ZC3H12B: variants seen among roughly 807,000 people sequenced by gnomAD.
ZC3H12B encodes the protein probable ribonuclease ZC3H12B.
A neutral mutation model predicts 43.9 loss-of-function variants in ZC3H12B; 7 were observed. The observed-to-expected ratio is 0.16, with a 90% CI of 0.09 to 0.30. ZC3H12B has a LOEUF of 0.30. Among genes scored for constraint, ZC3H12B ranks in the 10% least tolerant of loss-of-function variants. ZC3H12B has a pLI of 1.00. For missense variants in ZC3H12B, 475 were observed against 670.2 expected (o/e 0.71, Z 3.22); for synonymous variants, 222 against 241.7 (o/e 0.92, Z 0.76).
At chrX:65,248,436 A>G in the ZC3H12B span, among the ~76,000 whole-genome samples, 1 of 111,842 alleles carries the variant, frequency 8.9e-6, no homozygotes, top group Non-Finnish European at 1.9e-5. Context: ...ATAAGAACTG[A>G]TGTATTACTC....
the ZC3H12B span, among the ~76,000 whole-genome samples, chrX:65,310,453 A>G: frequency 1.8e-5 from 2 of 111,901 alleles, no homozygotes; most frequent in African/African-American, 6.5e-5. Flanking sequence ...AGGGACGTGA[A>G]GGACCTCTTC....
the ZC3H12B span, among the ~76,000 whole-genome samples, chrX:65,152,979 G>A: frequency 5.4e-5 from 6 of 111,774 alleles, no homozygotes; most frequent in African/African-American, 1.6e-4. Context: ...ACAAGCAATG[G>A]GGAAAGGATT....
the ZC3H12B span, among the ~76,000 whole-genome samples, chrX:65,051,257 A>T: frequency 9.0e-6 from 1 of 111,088 alleles, no homozygotes; most frequent in Non-Finnish European, 1.9e-5. Context: ...TGCTAGCTAA[A>T]GATTTGTCAA....
intron 3 of ZC3H12B, among the ~76,000 whole-genome samples, chrX:65,451,827 T>G (rs1402653577): frequency 1.8e-5 from 2 of 111,958 alleles, no homozygotes; most frequent in African/African-American, 6.5e-5. Context: ...ATCTTGCCAG[T>G]TTCTTTTTCA....
At chrX:65,378,201 TC>T (rs903916633) in intron 2 of ZC3H12B, among the ~76,000 whole-genome samples, 1 of 111,547 alleles carries the variant, frequency 9.0e-6, no homozygotes, top group African/African-American at 3.3e-5. Context: ...CTTGTAAACT[TC>T]CCCATCTTAA....
chrX:65,123,230 A>T, the ZC3H12B span, among the ~76,000 whole-genome samples: 1 of 111,799 alleles, frequency 8.9e-6, no homozygotes, highest in Non-Finnish European at 1.9e-5. Context: ...GATTACATTT[A>T]TTGATTTGCG....
At chrX:65,212,628 A>C in the ZC3H12B span, among the ~76,000 whole-genome samples, 1 of 86,300 alleles carries the variant, frequency 1.2e-5, no homozygotes, top group South Asian at 5.0e-4. Context: ...TATAATATAT[A>C]TAAATATATA....
the ZC3H12B span, among the ~76,000 whole-genome samples, chrX:65,315,589 A>T: frequency 9.0e-6 from 1 of 111,423 alleles, no homozygotes; most frequent in Non-Finnish European, 1.9e-5. Context: ...AAATGAAGCC[A>T]TTTGAATGAA....
intron 3 of ZC3H12B, among the ~76,000 whole-genome samples, chrX:65,452,736 G>A (rs2067534312): frequency 9.1e-6 from 1 of 109,992 alleles, no homozygotes; most frequent in African/African-American, 3.3e-5. Flanking sequence ...AGCTGCTCGG[G>A]AGGCTGAGGC....
chrX:65,444,169 T>C (rs1174093265), intron 3 of ZC3H12B, among the ~76,000 whole-genome samples: 2 of 112,474 alleles, frequency 1.8e-5, no homozygotes, highest in Non-Finnish European at 3.7e-5. Context: ...GTGTATTTGT[T>C]GTCGGTTTAT....
the ZC3H12B span, among the ~76,000 whole-genome samples, chrX:65,254,296 A>G: frequency 1.8e-5 from 2 of 112,500 alleles, no homozygotes; most frequent in Non-Finnish European, 3.8e-5. Flanking sequence ...ATTGACTGTC[A>G]CCAGCCATTG....
chrX:65,408,443 G>A (rs2066863348), intron 3 of ZC3H12B: 3 of 1,208,409 alleles, frequency 2.5e-6, no homozygotes, highest in Non-Finnish European at 3.4e-6. Flanking sequence ...AGAGTTGAAT[G>A]CCATCATCGG....
In ZC3H12B at chrX:65,388,299, T is replaced by G. The variant is rs1243326140; in HGVS notation, n.296-10294T>G. On this transcript the variant is annotated intron_variant and non_coding_transcript_variant, in intron 2 of 5. Transcript: ENST00000617377. ...ACACGAATCAGACATAGATTTGGTCTTTTCACATAGTCCCATATTTCTTGG... is the reference window on the plus strand; with the variant it reads ...ACACGAATCAGACATAGATTTGGTCGTTTCACATAGTCCCATATTTCTTGG... Among the ~76,000 whole-genome samples, 3 of 112,253 alleles carry G rather than the reference T, an allele frequency of 2.7e-5. No individual in the cohort carries two copies. The South Asian group carries it at 1.1e-3, about 42-fold the overall frequency.
exon 5 of ZC3H12B, chrX:65,506,100 G>C (rs2068422490): frequency 8.9e-6 from 1 of 112,305 alleles, no homozygotes; most frequent in Non-Finnish European, 1.9e-5. Context: ...GGGGTTGTGA[G>C]GGAGCTTTTA....
At chrX:65,356,753 G>A in the ZC3H12B span, 2 of 153,211 alleles carry the variant, frequency 1.3e-5, no homozygotes, top group Non-Finnish European at 2.5e-5. Flanking sequence ...CTGGTTCAAG[G>A]CCTCTTTATG....
chrX:65,297,270 T>A, the ZC3H12B span, among the ~76,000 whole-genome samples: 1 of 111,016 alleles, frequency 9.0e-6, no homozygotes, highest in African/African-American at 3.3e-5. Context: ...TCCAAAAGGC[T>A]TGTAGAACTC....
At chrX:65,383,723 C>G (rs780694400) in intron 2 of ZC3H12B, among the ~76,000 whole-genome samples, 1 of 111,131 alleles carries the variant, frequency 9.0e-6, no homozygotes, top group Non-Finnish European at 1.9e-5. Context: ...GGGCTAATAT[C>G]CAGAATCTAC....
the ZC3H12B span, among the ~76,000 whole-genome samples, chrX:65,243,565 T>G: frequency 9.0e-6 from 1 of 111,566 alleles, no homozygotes; most frequent in Non-Finnish European, 1.9e-5. Context: ...GTATAGAAGG[T>G]CATCAAAAAA....
At chrX:65,051,775 G>A in the ZC3H12B span, among the ~76,000 whole-genome samples, 1 of 110,551 alleles carries the variant, frequency 9.0e-6, no homozygotes, top group African/African-American at 3.3e-5. Context: ...TTGGAGGCTA[G>A]GTTTTTTTAA....
Sources: allele counts gnomAD v4.1 joint callset (sites outside exome capture counted in the v4.1 genomes callset), GRCh38; gene constraint gnomAD v4.1.1; transcripts MANE v1.5; gene names NCBI Gene and HGNC (gene_info 2026-07-23, HGNC 2026-07-21).